Variants in F13A1 observed in about 807,000 individuals in gnomAD.
F13A1 encodes the protein FSF, A subunit.
In F13A1, 47 loss-of-function variants were observed where a neutral mutation model predicts 80.1. That is an observed-to-expected ratio of 0.59 (90% CI 0.46 to 0.75). The LOEUF (loss-of-function observed/expected upper bound fraction) is 0.75, where lower values mean the gene tolerates loss of function less well. F13A1 is among the 30% of genes least tolerant of loss of function. The pLI is 0.00. For synonymous variants in F13A1, 349 were observed against 344.9 expected (o/e 1.01, Z -0.13); for missense variants, 817 against 930.4 (o/e 0.88, Z 1.59).
intron 3 of F13A1, among the ~76,000 whole-genome samples, chr6:6,296,309 G>A (rs1375868762): frequency 6.6e-6 from 1 of 151,076 alleles, no homozygotes; most frequent in Admixed American, 6.6e-5. Context: ...TGATGGGGAT[G>A]GCATTGAATC....
intron 8 of F13A1, among the ~76,000 whole-genome samples, chr6:6,201,579 C>T (rs115071024): frequency 1.6e-3 from 244 of 152,314 alleles, no homozygotes; most frequent in African/African-American, 5.4e-3. Context: ...TGTCCTAAGC[C>T]ACCCGTGCCT....
intron 13 of F13A1, among the ~76,000 whole-genome samples, chr6:6,158,260 C>T (rs1290980374): frequency 2.0e-5 from 3 of 152,034 alleles, no homozygotes; most frequent in Non-Finnish European, 4.4e-5. Context: ...TGGTGCTATT[C>T]CAGGCCAAGC....
intron 3 of F13A1, among the ~76,000 whole-genome samples, chr6:6,285,905 A>AGG (rs1455418313): frequency 6.6e-6 from 1 of 152,228 alleles, no homozygotes; most frequent in East Asian, 1.9e-4. Context: ...GCGGAATTTA[A>AGG]CCAGTATGTG....
At chr6:6,161,545 TGTGTGTGAGA>T (rs1561639125) in intron 13 of F13A1, among the ~76,000 whole-genome samples, 4 of 150,964 alleles carry the variant, frequency 2.6e-5, no homozygotes, top group Non-Finnish European at 5.9e-5. Flanking sequence ...TGTGTGTGTG[TGTGTGTGAGA>T]GAGAGAGAGA....
intron 3 of F13A1, among the ~76,000 whole-genome samples, chr6:6,297,940 G>A (rs1369275293): frequency 1.7e-4 from 26 of 149,950 alleles, no homozygotes; most frequent in Non-Finnish European, 3.7e-4. Flanking sequence ...AGATTCTGGT[G>A]TGTTGTGTCT....
intron 8 of F13A1, among the ~76,000 whole-genome samples, chr6:6,210,888 C>A (rs909369281): frequency 1.3e-5 from 2 of 152,090 alleles, no homozygotes; most frequent in African/African-American, 4.8e-5. Flanking sequence ...ACCACCACGC[C>A]CAGCTAATTT....
chr6:6,170,212 C>G (rs1223099654), intron 12 of F13A1, among the ~76,000 whole-genome samples: 2 of 152,202 alleles, frequency 1.3e-5, no homozygotes, highest in African/African-American at 4.8e-5. Flanking sequence ...AATAAAATGA[C>G]TTCTTCTGAC....
intron 6 of F13A1, among the ~76,000 whole-genome samples, chr6:6,228,500 G>A (rs1757307683): frequency 6.6e-6 from 1 of 152,078 alleles, no homozygotes; most frequent in African/African-American, 2.4e-5. Context: ...TTGAGAGGAT[G>A]AGGCAGATAG....
chr6:6,251,723 C>T (rs933406647), intron 4 of F13A1, among the ~76,000 whole-genome samples: 5 of 151,944 alleles, frequency 3.3e-5, no homozygotes, highest in East Asian at 3.9e-4. Flanking sequence ...CTCAAGGTAA[C>T]GAAATAATTG....
chr6:6,278,401 G>T (rs1196379194), intron 3 of F13A1, among the ~76,000 whole-genome samples: 1 of 152,178 alleles, frequency 6.6e-6, no homozygotes, highest in African/African-American at 2.4e-5. Flanking sequence ...GTGAGGGAAT[G>T]AGCAGTGCAA....
At chr6:6,182,213 G>T in intron 10 of F13A1, 72 bp from the exon 11 acceptor site, 1 of 1,549,382 alleles carries the variant, frequency 6.5e-7, no homozygotes, top group Non-Finnish European at 8.9e-7. Flanking sequence ...ACTGTCCATA[G>T]AGCAGTCGTC....
intron 12 of F13A1, among the ~76,000 whole-genome samples, chr6:6,171,137 A>C (rs578081291): frequency 1.1e-3 from 161 of 152,286 alleles, no homozygotes; most frequent in Middle Eastern, 6.8e-3. Flanking sequence ...AGGTGGGAAA[A>C]GGGCTGGCAT....
intron 8 of F13A1, among the ~76,000 whole-genome samples, chr6:6,210,456 T>C (rs1239798454): frequency 4.1e-5 from 6 of 147,586 alleles, no homozygotes; most frequent in African/African-American, 1.5e-4. Context: ...GCCATTCTCC[T>C]GCCTCAGCCT....
chr6:6,276,747 G>A (rs558122029), intron 3 of F13A1, among the ~76,000 whole-genome samples: 2 of 152,082 alleles, frequency 1.3e-5, no homozygotes, highest in African/African-American at 2.4e-5. Flanking sequence ...CAGAAGATGA[G>A]GATTAAACAA....
chr6:6,184,872 T>C (rs990198198), intron 10 of F13A1, among the ~76,000 whole-genome samples: 3 of 152,058 alleles, frequency 2.0e-5, no homozygotes, highest in Non-Finnish European at 2.9e-5. Flanking sequence ...ATATGTGTGT[T>C]GGGGTGGGAT....
intron 8 of F13A1, among the ~76,000 whole-genome samples, chr6:6,202,488 G>T (rs192185366): frequency 2.0e-4 from 31 of 152,282 alleles, no homozygotes; most frequent in South Asian, 6.2e-4. Flanking sequence ...TAGCAAGGAA[G>T]TTCTTATTAA....
intron 8 of F13A1, among the ~76,000 whole-genome samples, chr6:6,218,050 G>C (rs114012585): frequency 6.6e-6 from 1 of 152,112 alleles, no homozygotes; most frequent in Admixed American, 6.6e-5. Flanking sequence ...GGTGCATTCC[G>C]GTGGGGAAAA....
intron 10 of F13A1, among the ~76,000 whole-genome samples, chr6:6,182,689 A>G (rs1583059460): frequency 6.6e-6 from 1 of 152,120 alleles, no homozygotes; most frequent in East Asian, 1.9e-4. Context: ...GAGACAGTGA[A>G]CAGAAACACT....
chr6:6,293,821 GGGAGA>G (rs1758272632), intron 3 of F13A1, among the ~76,000 whole-genome samples: 1 of 82,120 alleles, frequency 1.2e-5, no homozygotes. Context: ...GAGGGAGGGA[GGGAGA>G]GAAGGAAATT....
Sources: gnomAD v4.1 joint callset for allele counts (sites outside exome capture counted in the v4.1 genomes callset) on GRCh38, gnomAD v4.1.1 for gene constraint, MANE v1.5 for transcripts, NCBI Gene and HGNC (gene_info 2026-07-23, HGNC 2026-07-21) for gene names.